PCDHGB3: variants seen among roughly 807,000 people sequenced by gnomAD.
PCDHGB3 encodes protocadherin gamma subfamily B, 3.
PCDHGB3 carries 40 observed loss-of-function variants against 59.2 expected under a neutral mutation model. The ratio of observed to expected loss-of-function variants is 0.68; its 90% CI spans 0.52 to 0.88. The LOEUF (loss-of-function observed/expected upper bound fraction) is 0.88. Among genes scored for constraint, PCDHGB3 ranks in the 40% least tolerant of loss-of-function variants. The probability of loss-of-function intolerance (pLI) is 0.00; values close to 1 mark genes in which losing one functional copy is unlikely to be tolerated. For missense variants in PCDHGB3, 1,309 were observed against 1,187.9 expected, an observed-to-expected ratio of 1.10 and a Z score of -1.50; for synonymous variants, 581 against 503.6, an observed-to-expected ratio of 1.15 and a Z score of -2.06.
intron 1 of PCDHGB3, among the ~76,000 whole-genome samples, chr5:141,451,826 A>G (rs2098725686): frequency 6.6e-6 from 1 of 151,720 alleles, no homozygotes; most frequent in Non-Finnish European, 1.5e-5. Context: ...GGTTACAGTG[A>G]GCCGAGATCA....
In PCDHGB3 at chr5:141,371,370, C is replaced by T; in HGVS notation, c.976C>T (p.His326Tyr). Residue 326 changes from histidine (H) to tyrosine (Y), a missense_variant, in exon 1 of 4, where the codon CAT (histidine) becomes TAT (tyrosine). Physicochemically the swap from His to Tyr is moderately conservative, Grantham distance 83. Transcript: ENST00000576222. ...TGGGGTGGAAGCAAAGGATGGTGGACATCACACTGCATATTGTAAAGTACA... is the reference window on the plus strand; with the variant it reads ...TGGGGTGGAAGCAAAGGATGGTGGATATCACACTGCATATTGTAAAGTACA... ...TIGVEAKDGG[H>Y]HTAYCKVQID... The T allele has an allele frequency of 6.2e-7, 1 of 1,613,934 alleles. No homozygotes were observed. Among genetic ancestry groups the T allele is most frequent in the Non-Finnish European group, 8.5e-7 (1 of 1,179,866 alleles).
At position 141,384,946 on chromosome 5, in the gene PCDHGB3, G is replaced by A. The variant is rs749521895; in HGVS notation, c.2415+12137G>A. The A allele has an allele frequency of 1.2e-5, 19 of 1,613,924 alleles. No individual in the cohort carries two copies. Among genetic ancestry groups the A allele is most frequent in the Non-Finnish European group, 1.4e-5 (17 of 1,180,030 alleles). On this transcript the variant is annotated intron_variant, in intron 1 of 3. Transcript: ENST00000576222. ...CCTGGGCAGCCTTGAGCCCTCCGACGGTCCTTACAACTATGACCTCACGTT... is the reference window on the plus strand; with the variant it reads ...CCTGGGCAGCCTTGAGCCCTCCGACAGTCCTTACAACTATGACCTCACGTT...
chr5:141,485,259 G>C lies in PCDHGB3; in HGVS notation c.2416-9548G>C. ...TTTTACCACCTGGGTTACGTTTGTGGGCAGATCCGCTACCCGGTCCCAGAG... is the reference window on the plus strand; with the variant it reads ...TTTTACCACCTGGGTTACGTTTGTGCGCAGATCCGCTACCCGGTCCCAGAG... On this transcript the variant is annotated intron_variant, in intron 1 of 3. Coordinates refer to ENST00000576222, the MANE Select transcript of PCDHGB3 (RefSeq NM_018924.5). The surrounding 1 kb of genome is among the most constrained non-coding windows in gnomAD (Gnocchi z 5.7). 1.2e-6 allele frequency: 2 copies of C among 1,614,136 alleles called. No homozygotes were observed. The highest frequency in any genetic ancestry group is 1.7e-6 in the Non-Finnish European group (2 of 1,180,002).
intron 3 of PCDHGB3, among the ~76,000 whole-genome samples, chr5:141,506,132 G>T (rs114930087): frequency 1.2e-4 from 18 of 152,310 alleles, no homozygotes; most frequent in African/African-American, 4.3e-4. Context: ...CAGAGCAGGA[G>T]AAGAAGAATA....
intron 1 of PCDHGB3, chr5:141,382,984 G>A: frequency 6.2e-7 from 1 of 1,613,132 alleles, no homozygotes; most frequent in Non-Finnish European, 8.5e-7. Context: ...AGCCTGGGCA[G>A]GACGTATTCT....
At chr5:141,429,647 T>C (rs1430094173) in intron 1 of PCDHGB3, among the ~76,000 whole-genome samples, 2 of 152,272 alleles carry the variant, frequency 1.3e-5, no homozygotes, top group African/African-American at 4.8e-5. Flanking sequence ...TATATATTTC[T>C]TCCCAATTTA....
chr5:141,416,458 G>A (rs1391820726), intron 1 of PCDHGB3: 1 of 152,194 alleles, frequency 6.6e-6, no homozygotes, highest in Non-Finnish European at 1.5e-5. Flanking sequence ...TGGGAAGACA[G>A]ATAAATTTGT....
chr5:141,509,691 AC>A (rs1471858383), intron 3 of PCDHGB3, among the ~76,000 whole-genome samples: 5 of 152,064 alleles, frequency 3.3e-5, no homozygotes, highest in African/African-American at 1.2e-4. Flanking sequence ...GTACAGTGGG[AC>A]GTTGGACTGG....
chr5:141,401,506 C>A (rs2094161695), intron 1 of PCDHGB3, among the ~76,000 whole-genome samples: 1 of 152,126 alleles, frequency 6.6e-6, no homozygotes, highest in Non-Finnish European at 1.5e-5. Flanking sequence ...CCTTTTCCAC[C>A]TCTATATAAT....
chr5:141,433,642 C>A (rs1457700205), intron 1 of PCDHGB3, among the ~76,000 whole-genome samples: 2 of 152,170 alleles, frequency 1.3e-5, no homozygotes, highest in South Asian at 2.1e-4. Context: ...TTGAGACCAG[C>A]CTGACCAACA....
chr5:141,395,123 TC>T, intron 1 of PCDHGB3: 1 of 1,614,148 alleles, frequency 6.2e-7, no homozygotes, highest in Non-Finnish European at 8.5e-7. Flanking sequence ...ACCTGATCTT[TC>T]CCCAGCCCAA....
intron 1 of PCDHGB3, among the ~76,000 whole-genome samples, chr5:141,406,087 T>TA (rs113984376): frequency 6.7e-6 from 1 of 148,544 alleles, no homozygotes; most frequent in African/African-American, 2.5e-5. Flanking sequence ...TTTTTTTTTT[T>TA]AAGAGATGGG....
At position 141,486,484 on chromosome 5, in the gene PCDHGB3, C is replaced by G. The variant is rs200150307; in HGVS notation, c.2416-8323C>G. ...ATGCTGGGAACCCTCCTCTCAGTAC[C>G]CACAGAACTATTTTCCTCAATATTT... On this transcript the variant is annotated intron_variant, in intron 1 of 3. Transcript: ENST00000576222. The surrounding 1 kb of genome is among the most constrained non-coding windows in gnomAD (Gnocchi z 5.0). The G allele has an allele frequency of 2.8e-5, 45 of 1,614,102 alleles. No homozygotes were observed. In the Admixed American group the frequency reaches 5.5e-4, roughly 20 times the overall value.
intron 1 of PCDHGB3, chr5:141,400,337 C>T: frequency 6.2e-7 from 1 of 1,614,080 alleles, no homozygotes; most frequent in Non-Finnish European, 8.5e-7. Context: ...GTGGTTCCCC[C>T]CAACTACAGT....
chr5:141,398,799 C>T (rs2093705548), intron 1 of PCDHGB3: 3 of 1,613,848 alleles, frequency 1.9e-6, no homozygotes, highest in East Asian at 2.2e-5. Context: ...CCCTAAGCGG[C>T]ACCACTGAGC....
chr5:141,389,126 A>G, intron 1 of PCDHGB3: 1 of 1,614,034 alleles, frequency 6.2e-7, no homozygotes, highest in South Asian at 1.1e-5. Context: ...AGCAGAATCC[A>G]GAGTACAATA....
chr5:141,499,457 T>G (rs1000400491), intron 2 of PCDHGB3, among the ~76,000 whole-genome samples: 1 of 152,214 alleles, frequency 6.6e-6, no homozygotes, highest in African/African-American at 2.4e-5. Context: ...CCCATCATTT[T>G]ACAATCTAGG....
intron 1 of PCDHGB3, chr5:141,383,815 G>T (rs1221512502): frequency 1.2e-6 from 2 of 1,613,964 alleles, no homozygotes; most frequent in Non-Finnish European, 1.7e-6. Context: ...AACTTTAGAA[G>T]GATTAGATTA....
intron 1 of PCDHGB3, chr5:141,403,328 A>G: frequency 1.8e-5 from 29 of 1,613,998 alleles, no homozygotes; most frequent in Non-Finnish European, 2.4e-5. Context: ...AGTAACTGAT[A>G]TTAACGACAG....
Sources: allele counts gnomAD v4.1 joint callset (sites outside exome capture counted in the v4.1 genomes callset), GRCh38; gene constraint gnomAD v4.1.1; non-coding constraint Gnocchi (gnomAD v3.1); transcripts MANE v1.5; gene names NCBI Gene and HGNC (gene_info 2026-07-23, HGNC 2026-07-21).